The following DEUP1 variants were observed in gnomAD, a reference collection of about 807,000 sequenced individuals.
DEUP1 encodes the protein coiled-coil domain containing 67.
A neutral mutation model predicts 87.4 loss-of-function variants in DEUP1; 82 were observed. That is an observed-to-expected ratio of 0.94 (90% CI 0.78 to 1.13). The LOEUF is 1.13. Ranked by LOEUF, DEUP1 falls within the 50% of genes most tolerant of loss-of-function variation. The pLI, the probability that DEUP1 is intolerant of heterozygous loss-of-function variation, is 0.00. For missense variants in DEUP1, 663 were observed against 681.5 expected, an observed-to-expected ratio of 0.97 and a Z score of 0.30; for synonymous variants, 214 against 222.7, an observed-to-expected ratio of 0.96 and a Z score of 0.35.
intron 7 of DEUP1, among the ~76,000 whole-genome samples, chr11:93,380,348 G>C (rs1591185515): frequency 6.6e-6 from 1 of 151,940 alleles, no homozygotes; most frequent in Non-Finnish European, 1.5e-5. Context: ...TTAGTGGATA[G>C]AACTTGATTG....
chr11:93,385,448 T>C lies in DEUP1; in HGVS notation c.840T>C (p.Asp280=), dbSNP rs753123509. ...SEVKSELQSR[D]DLLRIIEMER... Reference sequence around the variant, plus strand: ...TAAAAAGTGAGTTACAGTCACGTGATGATCTCTTGAGAATTATAGAAATGG... The same window carrying C: ...TAAAAAGTGAGTTACAGTCACGTGACGATCTCTTGAGAATTATAGAAATGG... Residue 280 remains aspartate (D), a synonymous_variant, in exon 8 of 14, where the codon GAT becomes GAC. Coordinates refer to ENST00000298050, the MANE Select transcript of DEUP1 (RefSeq NM_181645.4). The C allele has an allele frequency of 6.2e-7, 1 of 1,612,966 alleles. No individual in the cohort carries two copies. Among genetic ancestry groups the C allele is most frequent in the Non-Finnish European group, 8.5e-7 (1 of 1,179,318 alleles).
rs777417744 is a variant in DEUP1 at position 93,437,591 on chromosome 11, C to T, written c.1687C>T (p.Leu563Phe). The change falls in exon 14 of 14, where the codon CTT (leucine) becomes TTT (phenylalanine). Residue 563 changes from leucine (L) to phenylalanine (F), a missense_variant. Leu to Phe is a conservative substitution (Grantham distance 22, BLOSUM62 0). Coordinates refer to ENST00000298050, the MANE Select transcript of DEUP1 (RefSeq NM_181645.4). ...AGCATCTTTGGCTGCACAGCATTTC[C>T]TTCTGGAAGAAGAGAAACGAGCAAA... Reference protein sequence around the residue: ...FPASLAAQHFLLEEEKRAKEL... With the variant: ...FPASLAAQHFFLEEEKRAKEL... 4.3e-6 allele frequency: 7 copies of T among 1,613,710 alleles called. No individual in the cohort carries two copies. In the South Asian group the frequency reaches 7.7e-5, roughly 18 times the overall value.
At chr11:93,370,236 G>A in intron 6 of DEUP1, 50 bp downstream of exon 6, 4 of 974,496 alleles carry the variant, frequency 4.1e-6, no homozygotes, top group East Asian at 2.6e-5. Context: ...GTTAAATATT[G>A]GTATCTTTAC....
chr11:93,368,545 A>C (rs1945538451), intron 5 of DEUP1, among the ~76,000 whole-genome samples: 1 of 152,142 alleles, frequency 6.6e-6, no homozygotes, highest in Non-Finnish European at 1.5e-5. Flanking sequence ...ACAGGAGAGA[A>C]AGAGAGAGAA....
At chr11:93,340,582 G>A (rs1944017737) in intron 2 of DEUP1, among the ~76,000 whole-genome samples, 1 of 152,216 alleles carries the variant, frequency 6.6e-6, no homozygotes, top group African/African-American at 2.4e-5. Flanking sequence ...GTTGCTATGG[G>A]AAGAATAGAC....
intron 2 of DEUP1, among the ~76,000 whole-genome samples, chr11:93,350,942 C>T (rs1000751106): frequency 1.0e-4 from 15 of 149,644 alleles, no homozygotes; most frequent in African/African-American, 3.2e-4. Context: ...GGCAACAGAG[C>T]GAGACTCCAT....
At chr11:93,349,444 A>G (rs1944520651) in intron 2 of DEUP1, among the ~76,000 whole-genome samples, 1 of 152,106 alleles carries the variant, frequency 6.6e-6, no homozygotes, top group Non-Finnish European at 1.5e-5. Flanking sequence ...CCCAAATCCA[A>G]CTAATGTGAT....
chr11:93,433,848 A>C (rs1948167288), intron 13 of DEUP1, among the ~76,000 whole-genome samples: 1 of 152,190 alleles, frequency 6.6e-6, no homozygotes, highest in Non-Finnish European at 1.5e-5. Context: ...TGGCACATGA[A>C]TTGCACCACA....
chr11:93,352,183 C>T, intron 2 of DEUP1: 1 of 522,962 alleles, frequency 1.9e-6, no homozygotes, highest in Non-Finnish European at 3.4e-6. Context: ...CATGTGGCAC[C>T]TGCCTCTCCC....
intron 13 of DEUP1, among the ~76,000 whole-genome samples, chr11:93,430,342 A>G (rs776555718): frequency 9.2e-5 from 14 of 152,240 alleles, no homozygotes; most frequent in Non-Finnish European, 1.8e-4. Flanking sequence ...AACTTCATCA[A>G]TGGATGAATG....
At chr11:93,373,543 T>C (rs1945842108) in intron 7 of DEUP1, among the ~76,000 whole-genome samples, 1 of 149,174 alleles carries the variant, frequency 6.7e-6, no homozygotes, top group Non-Finnish European at 1.5e-5. Context: ...GCCATTATTT[T>C]GTTTCTTTCT....
chr11:93,405,129 G>A (rs929848137), intron 11 of DEUP1, among the ~76,000 whole-genome samples: 1 of 151,626 alleles, frequency 6.6e-6, no homozygotes, highest in Non-Finnish European at 1.5e-5. Context: ...CTAAGCAGCC[G>A]ACCATCAAGA....
intron 8 of DEUP1, among the ~76,000 whole-genome samples, chr11:93,387,739 C>T (rs1946628305): frequency 1.3e-5 from 2 of 151,948 alleles, no homozygotes; most frequent in South Asian, 2.1e-4. Context: ...ATTTTTCACT[C>T]ATTTCAAATT....
chr11:93,362,584 C>G (rs1945226440), intron 4 of DEUP1, among the ~76,000 whole-genome samples: 1 of 151,510 alleles, frequency 6.6e-6, no homozygotes, highest in African/African-American at 2.4e-5. Context: ...ACATTGTAAC[C>G]CAATGTATTG....
At chr11:93,428,032 T>C (rs1947983150) in intron 13 of DEUP1, among the ~76,000 whole-genome samples, 1 of 151,968 alleles carries the variant, frequency 6.6e-6, no homozygotes, top group Non-Finnish European at 1.5e-5. Context: ...GGTGGGACTG[T>C]AAACTAGTTC....
At chr11:93,408,001 T>C (rs971673937) in intron 11 of DEUP1, among the ~76,000 whole-genome samples, 12 of 152,084 alleles carry the variant, frequency 7.9e-5, no homozygotes, top group Non-Finnish European at 1.3e-4. Context: ...GTGGGGATGA[T>C]GCAATACATA....
Position 93,397,546 on chromosome 11 carries a change from C to T in DEUP1, c.1326+1221C>T, listed in dbSNP as rs181555299. Among the ~76,000 whole-genome samples, 17 of 152,114 alleles carry T rather than the reference C, an allele frequency of 1.1e-4. No homozygotes were observed. In the East Asian group the frequency reaches 2.7e-3, roughly 24 times the overall value. The stretch of plus-strand genomic sequence containing the variant: ...ATGTTTTTAAGTGTATATTCTGGGT[C>T]GTCACAGCCCCCACTGAGCCTGCCT... On this transcript the variant is annotated intron_variant, in intron 11 of 13. Transcript: ENST00000298050.
chr11:93,334,089 T>A (rs1943627690), intron 2 of DEUP1, among the ~76,000 whole-genome samples: 1 of 151,758 alleles, frequency 6.6e-6, no homozygotes, highest in Admixed American at 6.6e-5. Context: ...TTAATGAGAG[T>A]TTTTAGAGGT....
rs370003653 is a variant in DEUP1 at position 93,415,145 on chromosome 11, T to C, written c.1638+31T>C. ...TTGCTGGTTGTGGGCTTTTTTTTTC[T>C]TTAATGGGTTATTGCTTTACTCTTA... On this transcript the variant is annotated intron_variant, in intron 13 of 13. Transcript: ENST00000298050. 25 of 1,289,766 alleles carry C rather than the reference T, an allele frequency of 1.9e-5. No homozygotes were observed. The East Asian group carries it at 2.5e-4, about 13-fold the overall frequency. The allele number at this position is 1,289,766 out of a possible 1,614,324, so 79.9% of individuals were successfully genotyped here.
Sources: gnomAD v4.1 joint callset for allele counts (sites outside exome capture counted in the v4.1 genomes callset) on GRCh38, gnomAD v4.1.1 for gene constraint, MANE v1.5 for transcripts, NCBI Gene and HGNC (gene_info 2026-07-23, HGNC 2026-07-21) for gene names.